Variants in EXOC4 observed in about 807,000 individuals in gnomAD.
EXOC4 encodes the protein exocyst complex component 4.
Under a neutral mutation model 107.2 loss-of-function variants are expected in EXOC4, and 71 were observed. The ratio of observed to expected loss-of-function variants is 0.66; its 90% CI spans 0.55 to 0.81. EXOC4 has a LOEUF of 0.81. Ranked by LOEUF, EXOC4 falls within the 30% of genes least tolerant of loss-of-function variation. The pLI, the probability that EXOC4 is intolerant of heterozygous loss-of-function variation, is 0.00. For synonymous variants in EXOC4, 456 were observed against 441.2 expected, an observed-to-expected ratio of 1.03 and a Z score of -0.42; for missense variants, 1,108 against 1,189.6, an observed-to-expected ratio of 0.93 and a Z score of 1.01.
chr7:133,899,061 T>G (rs1383689145), intron 12 of EXOC4, among the ~76,000 whole-genome samples: 3 of 151,494 alleles, frequency 2.0e-5, no homozygotes, highest in Non-Finnish European at 4.4e-5. Context: ...TATTATATTT[T>G]AAATTTATGT....
intron 10 of EXOC4, among the ~76,000 whole-genome samples, chr7:133,788,204 A>G (rs896622783): frequency 6.7e-6 from 1 of 150,222 alleles, no homozygotes; most frequent in African/African-American, 2.5e-5. Context: ...CCTCTATTCC[A>G]TCAGATCCAC....
At chr7:133,432,722 G>T (rs1018994060) in intron 7 of EXOC4, among the ~76,000 whole-genome samples, 1 of 152,194 alleles carries the variant, frequency 6.6e-6, no homozygotes, top group Non-Finnish European at 1.5e-5. Context: ...TCCAGTTTCT[G>T]CTAATGCTAC....
chr7:133,902,384 A>G (rs1799472221), intron 12 of EXOC4, among the ~76,000 whole-genome samples: 1 of 152,180 alleles, frequency 6.6e-6, no homozygotes, highest in Non-Finnish European at 1.5e-5. Context: ...AAAACAATTT[A>G]TTCACTTGGT....
intron 11 of EXOC4, among the ~76,000 whole-genome samples, chr7:133,868,434 G>A (rs1378581847): frequency 2.6e-5 from 4 of 152,194 alleles, no homozygotes; most frequent in Non-Finnish European, 1.5e-5. Flanking sequence ...GATCGTTCAT[G>A]CAATCTGCCA....
At chr7:133,359,304 AGAG>A (rs1245088932) in intron 6 of EXOC4, among the ~76,000 whole-genome samples, 2 of 152,196 alleles carry the variant, frequency 1.3e-5, no homozygotes, top group Non-Finnish European at 2.9e-5. Flanking sequence ...TGTTGCTTCT[AGAG>A]GATTGGAATT....
intron 11 of EXOC4, among the ~76,000 whole-genome samples, chr7:133,872,664 A>G (rs1798774449): frequency 2.0e-5 from 3 of 152,198 alleles, no homozygotes; most frequent in Admixed American, 6.5e-5. Flanking sequence ...CTCTGTCTAT[A>G]TTTTGCGGTG....
chr7:133,558,651 A>G (rs1800749575), intron 9 of EXOC4, among the ~76,000 whole-genome samples: 1 of 151,920 alleles, frequency 6.6e-6, no homozygotes, highest in Non-Finnish European at 1.5e-5. Flanking sequence ...TATAGATTTT[A>G]TTTTTCTTTT....
chr7:133,868,178 A>G (rs1207786352), intron 11 of EXOC4, among the ~76,000 whole-genome samples: 1 of 152,192 alleles, frequency 6.6e-6, no homozygotes, highest in Non-Finnish European at 1.5e-5. Flanking sequence ...GGCTTGAGCT[A>G]GGGTCATAGA....
At chr7:133,543,287 T>A (rs962813671) in intron 9 of EXOC4, among the ~76,000 whole-genome samples, 3 of 152,152 alleles carry the variant, frequency 2.0e-5, no homozygotes, top group African/African-American at 7.2e-5. Context: ...TGTTCAATAT[T>A]TATTTAAGCT....
chr7:133,768,517 A>T (rs1796182649), intron 10 of EXOC4: 1 of 151,890 alleles, frequency 6.6e-6, no homozygotes, highest in South Asian at 2.1e-4. Context: ...AAATAGTCAA[A>T]ACTTCTTTTC....
Position 133,356,550 on chromosome 7 carries a change from C to T in EXOC4, c.984C>T (p.Asn328=), listed in dbSNP as rs202172178. Residue 328 remains asparagine, a synonymous_variant, in exon 6 of 18, where the codon AAC becomes AAT. Coordinates refer to ENST00000253861, the MANE Select transcript of EXOC4 (RefSeq NM_021807.4). ...VADSGYQRGE[N]VTVENQPRLL... is the part of the protein sequence containing the mutation. ...ACAGTGGCTATCAGCGGGGGGAGAACGTTACTGTGGAGAACCAACCAAGGT... is the reference window on the plus strand; with the variant it reads ...ACAGTGGCTATCAGCGGGGGGAGAATGTTACTGTGGAGAACCAACCAAGGT... The T allele has an allele frequency of 2.4e-4, 395 of 1,613,898 alleles. 2 individuals carry two copies. Among genetic ancestry groups the T allele is most frequent in the African/African-American group, 1.0e-3 (77 of 75,004 alleles).
intron 14 of EXOC4, among the ~76,000 whole-genome samples, chr7:133,967,308 GTCTC>G (rs1563074401): frequency 6.6e-6 from 1 of 151,050 alleles, no homozygotes; most frequent in Non-Finnish European, 1.5e-5. Flanking sequence ...AGTGTTTTTC[GTCTC>G]TCTGTCTCTT....
intron 9 of EXOC4, among the ~76,000 whole-genome samples, chr7:133,525,875 C>T (rs964705497): frequency 1.8e-4 from 28 of 152,122 alleles, no homozygotes; most frequent in African/African-American, 5.3e-4. Flanking sequence ...ATAAAAGATA[C>T]GTGTTTTCCC....
intron 11 of EXOC4, among the ~76,000 whole-genome samples, chr7:133,829,962 T>C (rs1797775498): frequency 1.3e-5 from 2 of 152,188 alleles, no homozygotes; most frequent in African/African-American, 2.4e-5. Flanking sequence ...TTTCCCTTTC[T>C]TTTTCTTCTT....
intron 10 of EXOC4, among the ~76,000 whole-genome samples, chr7:133,786,117 G>A (rs563318328): frequency 1.3e-5 from 2 of 152,262 alleles, no homozygotes; most frequent in African/African-American, 4.8e-5. Context: ...CAAAAAAGCA[G>A]AACTTTTAAG....
intron 11 of EXOC4, among the ~76,000 whole-genome samples, chr7:133,887,772 A>G (rs748560334): frequency 1.3e-5 from 2 of 152,134 alleles, no homozygotes; most frequent in Non-Finnish European, 2.9e-5. Context: ...CTTTGTTAGG[A>G]TGGCTGAACT....
intron 3 of EXOC4, among the ~76,000 whole-genome samples, chr7:133,293,548 T>A (rs1364466771): frequency 6.6e-6 from 1 of 152,234 alleles, no homozygotes; most frequent in Non-Finnish European, 1.5e-5. Flanking sequence ...CTACTCAGAA[T>A]AGATTAATAA....
At chr7:134,038,637 A>G (rs929457986) in intron 17 of EXOC4, among the ~76,000 whole-genome samples, 1 of 151,820 alleles carries the variant, frequency 6.6e-6, no homozygotes, top group South Asian at 2.1e-4. Context: ...TCTCATTTTT[A>G]TTTTACTTCT....
intron 4 of EXOC4, among the ~76,000 whole-genome samples, chr7:133,307,685 C>G (rs1037414970): frequency 6.6e-6 from 1 of 152,150 alleles, no homozygotes; most frequent in Non-Finnish European, 1.5e-5. Flanking sequence ...ATTTCCTACG[C>G]TTTTTGTTGG....
Sources: allele counts gnomAD v4.1 joint callset (sites outside exome capture counted in the v4.1 genomes callset), GRCh38; gene constraint gnomAD v4.1.1; transcripts MANE v1.5; gene names NCBI Gene and HGNC (gene_info 2026-07-23, HGNC 2026-07-21).